LAPTM4B: variants seen among roughly 807,000 people sequenced by gnomAD.
The protein encoded by LAPTM4B is lysosomal-associated transmembrane protein 4B.
LAPTM4B carries 26 observed loss-of-function variants against 28.5 expected under a neutral mutation model. The observed-to-expected ratio is 0.91, with a 90% CI of 0.67 to 1.27. LAPTM4B has a LOEUF of 1.27. Ranked by LOEUF, LAPTM4B falls within the 50% of genes most tolerant of loss-of-function variation. The pLI is 0.00. For synonymous variants in LAPTM4B, 109 were observed against 106.4 expected, an observed-to-expected ratio of 1.02 and a Z score of -0.15; for missense variants, 288 against 285.8, an observed-to-expected ratio of 1.01 and a Z score of -0.06.
intron 5 of LAPTM4B, among the ~76,000 whole-genome samples, chr8:97,821,978 C>T (rs752451959): frequency 6.6e-6 from 1 of 151,816 alleles, no homozygotes; most frequent in Non-Finnish European, 1.5e-5. Context: ...TCTAAATTTC[C>T]ATCATAAAAC....
chr8:97,847,954 G>T (rs12114567), intron 6 of LAPTM4B, among the ~76,000 whole-genome samples: 25,814 of 152,176 alleles, frequency 0.17, 2,297 homozygotes, highest in East Asian at 0.23. Flanking sequence ...ATATTTGAAA[G>T]AAAAGACTAT....
chr8:97,827,647 C>T (rs1285196977), intron 6 of LAPTM4B, among the ~76,000 whole-genome samples: 2 of 152,146 alleles, frequency 1.3e-5, no homozygotes, highest in African/African-American at 4.8e-5. Context: ...TGGGATCTGA[C>T]ACTGTTTCCA....
intron 3 of LAPTM4B, 66 bp downstream of exon 3, chr8:97,815,467 GT>G: frequency 8.9e-7 from 1 of 1,121,482 alleles, no homozygotes; most frequent in Non-Finnish European, 1.4e-6. Context: ...CTGTGCTGCT[GT>G]CTATAGTGAG....
chr8:97,844,984 G>A (rs944793294), intron 6 of LAPTM4B, among the ~76,000 whole-genome samples: 4 of 151,994 alleles, frequency 2.6e-5, no homozygotes, highest in Middle Eastern at 6.8e-3. Flanking sequence ...TAATCGTCCC[G>A]TCACTCCCTC....
At chr8:97,814,574 T>C (rs1234315902) in intron 2 of LAPTM4B, among the ~76,000 whole-genome samples, 1 of 151,792 alleles carries the variant, frequency 6.6e-6, no homozygotes, top group African/African-American at 2.4e-5. Flanking sequence ...ATGAACCAGA[T>C]GATATGGCTG....
At position 97,810,380 on chromosome 8, in the gene LAPTM4B, G is replaced by T. The variant is rs564312437; in HGVS notation, c.211+4916G>T. Among the ~76,000 whole-genome samples, 20 of 118,822 alleles carry T rather than the reference G, an allele frequency of 1.7e-4. No homozygotes were observed. In the South Asian group the frequency reaches 4.2e-3, roughly 25 times the overall value. The allele number at this position is 118,822 out of a possible 152,430, so 78.0% of individuals were successfully genotyped here. ...GGAACAGGTAAAATTCAAATTAGTT[G>T]TACAGTTTAATTAACAGTGTTGTAC... On this transcript the variant is annotated intron_variant, in intron 2 of 6. Transcript: ENST00000521545.
At chr8:97,786,088 A>G (rs905328056) in intron 1 of LAPTM4B, among the ~76,000 whole-genome samples, 1 of 152,198 alleles carries the variant, frequency 6.6e-6, no homozygotes, top group African/African-American at 2.4e-5. Context: ...TCATTGGTCA[A>G]AGGAATGCTA....
intron 1 of LAPTM4B, among the ~76,000 whole-genome samples, chr8:97,797,458 C>T (rs1186404977): frequency 1.3e-5 from 2 of 152,100 alleles, no homozygotes. Context: ...TAATACTGTG[C>T]TTTTCATTTA....
intron 1 of LAPTM4B, among the ~76,000 whole-genome samples, chr8:97,785,839 T>C (rs1460961159): frequency 6.6e-6 from 1 of 152,200 alleles, no homozygotes; most frequent in Non-Finnish European, 1.5e-5. Context: ...TAGAAAGTGA[T>C]TGCTGTATCG....
At chr8:97,793,230 T>C (rs1488504631) in intron 1 of LAPTM4B, among the ~76,000 whole-genome samples, 5 of 152,202 alleles carry the variant, frequency 3.3e-5, no homozygotes, top group Non-Finnish European at 7.3e-5. Flanking sequence ...AATAACTGAA[T>C]GAATGAGTTA....
chr8:97,795,925 T>G (rs1329471501), intron 1 of LAPTM4B, among the ~76,000 whole-genome samples: 1 of 152,104 alleles, frequency 6.6e-6, no homozygotes, highest in African/African-American at 2.4e-5. Context: ...CTTAGTTCAT[T>G]TCCAATCACA....
At chr8:97,832,648 C>CT (rs1817198399) in intron 6 of LAPTM4B, among the ~76,000 whole-genome samples, 1 of 147,176 alleles carries the variant, frequency 6.8e-6, no homozygotes, top group South Asian at 2.2e-4. Context: ...GAAGTCTCAG[C>CT]TTTCTGACGA....
chr8:97,835,971 T>G (rs1337997290), intron 6 of LAPTM4B, among the ~76,000 whole-genome samples: 1 of 152,160 alleles, frequency 6.6e-6, no homozygotes, highest in Non-Finnish European at 1.5e-5. Context: ...CAGACCCTAT[T>G]GTGAACTGCA....
At chr8:97,784,364 G>T (rs1482230229) in intron 1 of LAPTM4B, among the ~76,000 whole-genome samples, 2 of 152,198 alleles carry the variant, frequency 1.3e-5, no homozygotes, top group Non-Finnish European at 2.9e-5. Context: ...ATTTTATTCT[G>T]TAGGCAGTGG....
At chr8:97,849,392 G>T (rs2129863120) in intron 6 of LAPTM4B, among the ~76,000 whole-genome samples, 1 of 152,332 alleles carries the variant, frequency 6.6e-6, no homozygotes, top group South Asian at 2.1e-4. Flanking sequence ...ACACCTAGGT[G>T]CTCAGTGGGT....
Position 97,775,977 on chromosome 8 carries a change from T to TG in LAPTM4B, c.-32dup, listed in dbSNP as rs756579807. On this transcript the variant is annotated 5_prime_UTR_variant, in exon 1 of 7. Coordinates refer to ENST00000521545, the MANE Select transcript of LAPTM4B (RefSeq NM_018407.6). ...GAGGCGGTCGACGCTCCTGAAAACTTGCGCGCGCGCTCGCGCCACTGCGCC... is the reference window on the plus strand; with the variant it reads ...GAGGCGGTCGACGCTCCTGAAAACTTGGCGCGCGCGCTCGCGCCACTGCGCC... 164 of 1,546,670 alleles carry TG rather than the reference T, an allele frequency of 1.1e-4. No individual in the cohort carries two copies. The highest frequency in any genetic ancestry group is 1.3e-4 in the Non-Finnish European group (153 of 1,154,442).
chr8:97,817,573 T>C (rs2449543), intron 4 of LAPTM4B, among the ~76,000 whole-genome samples: 129,323 of 150,914 alleles, frequency 0.86, 57,273 homozygotes, highest in East Asian at 0.96. Flanking sequence ...CTCAGTCTCC[T>C]GAGTAGCTGG....
intron 1 of LAPTM4B, among the ~76,000 whole-genome samples, chr8:97,805,091 CA>C (rs1166276985): frequency 3.3e-5 from 5 of 152,290 alleles, no homozygotes; most frequent in African/African-American, 9.6e-5. Flanking sequence ...GTGCCTGGGC[CA>C]GGGGGAATGA....
intron 4 of LAPTM4B, 77 bp downstream of exon 4, chr8:97,816,257 A>G (rs935373034): frequency 7.5e-5 from 96 of 1,277,614 alleles, no homozygotes; most frequent in Non-Finnish European, 1.0e-4. Context: ...ATGTGTAGAG[A>G]TACACAGACA....
Sources: allele counts gnomAD v4.1 joint callset (sites outside exome capture counted in the v4.1 genomes callset), GRCh38; gene constraint gnomAD v4.1.1; transcripts MANE v1.5; gene names NCBI Gene and HGNC (gene_info 2026-07-23, HGNC 2026-07-21).